PPP2R1B: variants seen among roughly 807,000 people sequenced by gnomAD.
PPP2R1B encodes the protein protein phosphatase 2 scaffold subunit Abeta, also known as serine/threonine-protein phosphatase 2A 65 kDa regulatory subunit A beta isoform.
A neutral mutation model predicts 72.7 loss-of-function variants in PPP2R1B; 58 were observed. The observed-to-expected ratio is 0.80, with a 90% CI of 0.65 to 0.99. The LOEUF is 0.99. Ranked by LOEUF, PPP2R1B falls within the 50% of genes least tolerant of loss-of-function variation. PPP2R1B has a pLI of 0.00. For synonymous variants in PPP2R1B, 256 were observed against 264.6 expected, an observed-to-expected ratio of 0.97 and a Z score of 0.32; for missense variants, 695 against 733.6, an observed-to-expected ratio of 0.95 and a Z score of 0.61.
chr11:111,755,493 C>T (rs1555049366), intron 5 of PPP2R1B, 43 bp from the exon 6 acceptor site: 1 of 1,553,454 alleles, frequency 6.4e-7, no homozygotes. Flanking sequence ...TTACTGAGAC[C>T]CATGGGGAAC....
At chr11:111,734,226 G>A (rs1347581015), downstream of PPP2R1B, among the ~76,000 whole-genome samples, 1 of 152,194 alleles carries the variant, frequency 6.6e-6, no homozygotes, top group African/African-American at 2.4e-5. Flanking sequence ...TACAGAAAAT[G>A]GCTGCTTCTT....
the PPP2R1B span, among the ~76,000 whole-genome samples, chr11:111,689,722 G>A: frequency 5.9e-3 from 897 of 152,292 alleles, 12 homozygotes; most frequent in African/African-American, 0.021. Flanking sequence ...TGTATATGGT[G>A]TAAAATATAA....
chr11:111,689,316 T>C, the PPP2R1B span, among the ~76,000 whole-genome samples: 1 of 152,088 alleles, frequency 6.6e-6, no homozygotes, highest in Non-Finnish European at 1.5e-5. Context: ...TAAAGTGGAA[T>C]TGGGATAACA....
chr11:111,690,195 C>T, the PPP2R1B span, among the ~76,000 whole-genome samples: 1 of 151,100 alleles, frequency 6.6e-6, no homozygotes, highest in Non-Finnish European at 1.5e-5. Flanking sequence ...CTGTGAGGAA[C>T]TTCACTGGGA....
At chr11:111,754,753 T>A (rs1945039005) in intron 7 of PPP2R1B, among the ~76,000 whole-genome samples, 184 bp from the exon 8 acceptor site, 1 of 152,008 alleles carries the variant, frequency 6.6e-6, no homozygotes, top group African/African-American at 2.4e-5. Flanking sequence ...ATCACACCAA[T>A]CCAACCTGAA....
chr11:111,736,827 T>G (rs1944354133), downstream of PPP2R1B, among the ~76,000 whole-genome samples: 1 of 152,174 alleles, frequency 6.6e-6, no homozygotes, highest in Non-Finnish European at 1.5e-5. Context: ...CTAAACGCAG[T>G]CTGGCATCCG....
At chr11:111,765,761 G>A (rs1192283027) in intron 1 of PPP2R1B, 3 of 478,024 alleles carry the variant, frequency 6.3e-6, no homozygotes, top group African/African-American at 3.9e-5. Flanking sequence ...TACACTACTC[G>A]TCCAGATTAA....
At chr11:111,696,126 CT>C in the PPP2R1B span, among the ~76,000 whole-genome samples, 1 of 152,166 alleles carries the variant, frequency 6.6e-6, no homozygotes, top group African/African-American at 2.4e-5. Flanking sequence ...GACTCTACCC[CT>C]AATCCTCTTC....
chr11:111,763,335 A>T (rs1329137461), intron 3 of PPP2R1B, among the ~76,000 whole-genome samples: 6 of 152,186 alleles, frequency 3.9e-5, no homozygotes, highest in Non-Finnish European at 8.8e-5. Context: ...ACCTCTTCTC[A>T]TGCAGTACCA....
Position 111,742,670 on chromosome 11 carries a change from A to C in PPP2R1B, c.1555-5T>G, listed in dbSNP as rs368670814. Reference sequence around the variant, plus strand: ...ACCACAGGCCTCAGACAGTGCCTAGAAAAATAAGTAAGATGGCACATTTAA... The same window carrying C: ...ACCACAGGCCTCAGACAGTGCCTAGCAAAATAAGTAAGATGGCACATTTAA... On this transcript the variant is annotated splice_region_variant and splice_polypyrimidine_tract_variant and intron_variant, in intron 12 of 14. Coordinates refer to ENST00000527614, the MANE Select transcript of PPP2R1B (RefSeq NM_002716.5). The C allele has an allele frequency of 3.0e-4, 481 of 1,592,660 alleles. 1 individual carries two copies. Among genetic ancestry groups the C allele is most frequent in the Non-Finnish European group, 4.0e-4 (467 of 1,169,656 alleles).
In PPP2R1B at chr11:111,740,693, CAATGCAG is replaced by C; in HGVS notation, c.*896_*902del. The stretch of plus-strand genomic sequence containing the variant: ...AACTGCAGTTTGAAAAGCTACTGTA[CAATGCAG>C]CAAGGACTAGGTGTCAATACTGCTG... On this transcript the variant is annotated 3_prime_UTR_variant, in exon 15 of 15. Coordinates refer to ENST00000527614, the MANE Select transcript of PPP2R1B (RefSeq NM_002716.5). 1 of 985,310 alleles carries C rather than the reference CAATGCAG, an allele frequency of 1.0e-6. No homozygotes were observed. The highest frequency in any genetic ancestry group is 1.2e-6 in the Non-Finnish European group (1 of 829,850). The allele number at this position is 985,310 out of a possible 1,614,324, so 61.0% of individuals were successfully genotyped here.
At chr11:111,722,230 T>A (rs1943823440), downstream of PPP2R1B, among the ~76,000 whole-genome samples, 1 of 152,194 alleles carries the variant, frequency 6.6e-6, no homozygotes, top group African/African-American at 2.4e-5. This position sits in a 1 kb window ranked among gnomAD's most constrained non-coding sequence, Gnocchi z 4.4. Context: ...TTCCTCTTAA[T>A]GAGTAACAAA....
chr11:111,759,212 A>C (rs1945235449), intron 5 of PPP2R1B, among the ~76,000 whole-genome samples: 1 of 152,188 alleles, frequency 6.6e-6, no homozygotes, highest in South Asian at 2.1e-4. Context: ...TAATGTGTAA[A>C]ATGGGCTATC....
chr11:111,744,837 A>C (rs1045825471), intron 11 of PPP2R1B, among the ~76,000 whole-genome samples: 1 of 152,170 alleles, frequency 6.6e-6, no homozygotes, highest in Non-Finnish European at 1.5e-5. Flanking sequence ...TGACCCATAC[A>C]ACTGATTATC....
At chr11:111,725,860 C>T (rs886396216), downstream of PPP2R1B, 2 of 152,376 alleles carry the variant, frequency 1.3e-5, no homozygotes, top group African/African-American at 4.8e-5. Context: ...CAGGATGCTT[C>T]GCAGAGGCAC....
downstream of PPP2R1B, among the ~76,000 whole-genome samples, chr11:111,736,377 G>T (rs1214978537): frequency 6.6e-6 from 1 of 152,198 alleles, no homozygotes; most frequent in African/African-American, 2.4e-5. Context: ...TTTGTAGGAA[G>T]ACGTAACCCC....
chr11:111,688,182 C>T, the PPP2R1B span: 2 of 1,613,656 alleles, frequency 1.2e-6, no homozygotes, highest in South Asian at 1.1e-5. The surrounding 1 kb of genome is among the most constrained non-coding windows in gnomAD (Gnocchi z 4.2). Flanking sequence ...ACACAACTGG[C>T]TCTAATAAGA....
At chr11:111,710,497 T>C in the PPP2R1B span, among the ~76,000 whole-genome samples, 1 of 152,250 alleles carries the variant, frequency 6.6e-6, no homozygotes, top group African/African-American at 2.4e-5. Flanking sequence ...AATATATTTC[T>C]AACATATCCC....
intron 3 of PPP2R1B, among the ~76,000 whole-genome samples, chr11:111,763,522 T>C (rs1945403828): frequency 6.6e-6 from 1 of 152,088 alleles, no homozygotes; most frequent in Non-Finnish European, 1.5e-5. Flanking sequence ...ACTACAGCAA[T>C]CTAGAGGAAA....
Sources: gnomAD v4.1 joint callset for allele counts (sites outside exome capture counted in the v4.1 genomes callset) on GRCh38, gnomAD v4.1.1 for gene constraint, Gnocchi (gnomAD v3.1) non-coding constraint, MANE v1.5 for transcripts, NCBI Gene and HGNC (gene_info 2026-07-23, HGNC 2026-07-21) for gene names.